The following MAP3K5 variants were observed in gnomAD, a reference collection of about 807,000 sequenced individuals.
MAP3K5 encodes ASK-1.
Under a neutral mutation model 158.7 loss-of-function variants are expected in MAP3K5, and 56 were observed. The ratio of observed to expected loss-of-function variants is 0.35; its 90% confidence interval spans 0.28 to 0.44. The LOEUF (loss-of-function observed/expected upper bound fraction) is 0.44, where lower values mean the gene tolerates loss of function less well. MAP3K5 is among the 20% of genes least tolerant of loss of function. The probability of loss-of-function intolerance (pLI) is 1.00; values close to 1 mark genes in which losing one functional copy is unlikely to be tolerated. For missense variants in MAP3K5, 1,294 were observed against 1,674.8 expected (o/e 0.77, Z 3.97); for synonymous variants, 579 against 601.7 (o/e 0.96, Z 0.55).
At chr6:136,572,724 A>G (rs1212027522) in intron 25 of MAP3K5, among the ~76,000 whole-genome samples, 1 of 152,260 alleles carries the variant, frequency 6.6e-6, no homozygotes, top group African/African-American at 2.4e-5. Flanking sequence ...TAAAGAAAGT[A>G]GAAACTTGTA....
intron 14 of MAP3K5, among the ~76,000 whole-genome samples, chr6:136,631,910 A>C (rs1000376819): frequency 1.2e-4 from 18 of 151,860 alleles, no homozygotes; most frequent in African/African-American, 4.3e-4. Context: ...CAATGCATGG[A>C]GAAGAGCTAG....
intron 1 of MAP3K5, among the ~76,000 whole-genome samples, chr6:136,757,579 A>ATTTT (rs776508913): frequency 5.0e-4 from 56 of 112,004 alleles, no homozygotes; most frequent in East Asian, 1.5e-3. Context: ...TTATTTATTT[A>ATTTT]TTTTTTATTT....
chr6:136,601,599 T>G (rs1220760844), intron 20 of MAP3K5, among the ~76,000 whole-genome samples: 1 of 152,234 alleles, frequency 6.6e-6, no homozygotes, highest in African/African-American at 2.4e-5. Context: ...AAGACTATTA[T>G]GTATGAGGTC....
intron 1 of MAP3K5, among the ~76,000 whole-genome samples, chr6:136,751,301 G>C (rs1045544813): frequency 1.3e-5 from 2 of 152,160 alleles, no homozygotes; most frequent in Non-Finnish European, 2.9e-5. Flanking sequence ...ATTAGTAAAA[G>C]GAACTAAATT....
chr6:136,661,832 T>C (rs1339652812), intron 8 of MAP3K5, among the ~76,000 whole-genome samples: 1 of 152,192 alleles, frequency 6.6e-6, no homozygotes. Flanking sequence ...TGAACCACCA[T>C]ACCTGACCCA....
intron 20 of MAP3K5, among the ~76,000 whole-genome samples, chr6:136,601,600 G>A (rs1021305277): frequency 6.6e-6 from 1 of 152,182 alleles, no homozygotes; most frequent in African/African-American, 2.4e-5. Flanking sequence ...AGACTATTAT[G>A]TATGAGGTCC....
chr6:136,712,728 A>G (rs958363794), intron 2 of MAP3K5, among the ~76,000 whole-genome samples: 1 of 152,106 alleles, frequency 6.6e-6, no homozygotes, highest in African/African-American at 2.4e-5. Context: ...TGATTCCCAC[A>G]TGTTGTGGGA....
intron 3 of MAP3K5, among the ~76,000 whole-genome samples, chr6:136,702,359 GA>G (rs1780890339): frequency 6.6e-6 from 1 of 152,120 alleles, no homozygotes; most frequent in Non-Finnish European, 1.5e-5. Flanking sequence ...GCAAAATAAT[GA>G]AAACTAATAG....
chr6:136,584,838 C>T (rs1053691690), intron 23 of MAP3K5, among the ~76,000 whole-genome samples: 1 of 152,154 alleles, frequency 6.6e-6, no homozygotes, highest in Non-Finnish European at 1.5e-5. Context: ...CTCGGCTAGG[C>T]ACTATGATTG....
At chr6:136,735,783 C>T (rs762358206) in intron 1 of MAP3K5, among the ~76,000 whole-genome samples, 8 of 152,118 alleles carry the variant, frequency 5.3e-5, no homozygotes, top group Admixed American at 1.3e-4. Flanking sequence ...GAGCTATGAT[C>T]GTGCCATTGT....
At chr6:136,717,233 C>T (rs910050768) in intron 2 of MAP3K5, among the ~76,000 whole-genome samples, 4 of 151,830 alleles carry the variant, frequency 2.6e-5, no homozygotes, top group Non-Finnish European at 5.9e-5. Flanking sequence ...GGATATAAAT[C>T]TTATTACAAT....
At chr6:136,616,040 T>G (rs542693805) in intron 15 of MAP3K5, among the ~76,000 whole-genome samples, 2 of 152,292 alleles carry the variant, frequency 1.3e-5, no homozygotes, top group Admixed American at 1.3e-4. Flanking sequence ...GACTTGTATT[T>G]TAGATCGATT....
intron 14 of MAP3K5, among the ~76,000 whole-genome samples, chr6:136,624,569 C>A (rs1167967627): frequency 1.3e-5 from 2 of 152,032 alleles, no homozygotes; most frequent in Non-Finnish European, 2.9e-5. Context: ...AAAATTTCAA[C>A]AAATTCCAAA....
intron 7 of MAP3K5, among the ~76,000 whole-genome samples, chr6:136,689,827 G>A (rs1409436270): frequency 1.3e-5 from 2 of 152,000 alleles, no homozygotes; most frequent in African/African-American, 4.8e-5. Flanking sequence ...CTTGTATTCT[G>A]TTTTGGCAGC....
intron 24 of MAP3K5, among the ~76,000 whole-genome samples, chr6:136,581,454 C>T (rs1161744101): frequency 6.6e-6 from 1 of 152,214 alleles, no homozygotes; most frequent in Admixed American, 6.5e-5. Context: ...AAAAAAGAGG[C>T]TATTTCCCCA....
chr6:136,633,266 G>C (rs1777459292), intron 14 of MAP3K5, among the ~76,000 whole-genome samples: 1 of 151,918 alleles, frequency 6.6e-6, no homozygotes, highest in Non-Finnish European at 1.5e-5. Flanking sequence ...GGGCATGATG[G>C]TGGGCGTCTG....
intron 15 of MAP3K5, among the ~76,000 whole-genome samples, chr6:136,620,097 C>CT (rs1776736527): frequency 6.6e-6 from 1 of 152,130 alleles, no homozygotes; most frequent in South Asian, 2.1e-4. Flanking sequence ...TGGTGAAACT[C>CT]TGTCTCTATT....
chr6:136,714,946 T>C (rs1305782689), intron 2 of MAP3K5, among the ~76,000 whole-genome samples: 1 of 152,064 alleles, frequency 6.6e-6, no homozygotes, highest in Non-Finnish European at 1.5e-5. Flanking sequence ...CTGTATACAG[T>C]GAGATAGTGA....
At chr6:136,579,053 C>T (rs1774745928) in intron 25 of MAP3K5, among the ~76,000 whole-genome samples, 1 of 151,218 alleles carries the variant, frequency 6.6e-6, no homozygotes, top group Non-Finnish European at 1.5e-5. Flanking sequence ...TCATATTGAT[C>T]TTATCCTTTT....
Sources: allele counts gnomAD v4.1 joint callset (sites outside exome capture counted in the v4.1 genomes callset), GRCh38; gene constraint gnomAD v4.1.1; transcripts MANE v1.5; gene names NCBI Gene and HGNC (gene_info 2026-07-23, HGNC 2026-07-21).